The following ANO3 variants were observed in gnomAD, a reference collection of about 807,000 sequenced individuals.
ANO3 encodes the protein anoctamin-3.
A neutral mutation model predicts 144.8 loss-of-function variants in ANO3; 99 were observed. That is an observed-to-expected ratio of 0.68 (90% CI 0.58 to 0.81). ANO3 has a LOEUF of 0.81. Ranked by LOEUF, ANO3 falls within the 30% of genes least tolerant of loss-of-function variation. The pLI, the probability that ANO3 is intolerant of heterozygous loss-of-function variation, is 0.00. For missense variants in ANO3, 905 were observed against 1,202.2 expected, an observed-to-expected ratio of 0.75 and a Z score of 3.66; for synonymous variants, 414 against 392.6, an observed-to-expected ratio of 1.05 and a Z score of -0.64.
intron 6 of ANO3, among the ~76,000 whole-genome samples, chr11:26,517,215 C>T (rs1224543783): frequency 6.6e-6 from 1 of 151,934 alleles, no homozygotes; most frequent in Non-Finnish European, 1.5e-5. Flanking sequence ...AGTCTCACTC[C>T]TTATTTCATA....
At chr11:26,602,723 C>T (rs984320397) in intron 17 of ANO3, among the ~76,000 whole-genome samples, 1 of 147,224 alleles carries the variant, frequency 6.8e-6, no homozygotes, top group African/African-American at 2.5e-5. Context: ...TGTACTCCAG[C>T]CTGAATGACA....
chr11:26,446,004 G>T (rs1382928085), intron 3 of ANO3, among the ~76,000 whole-genome samples: 1 of 151,870 alleles, frequency 6.6e-6, no homozygotes, highest in Non-Finnish European at 1.5e-5. Flanking sequence ...GCTAATTTTT[G>T]TATTTTTAGT....
At chr11:26,313,145 A>G (rs1197067685) in intron 1 of ANO3, among the ~76,000 whole-genome samples, 1 of 152,186 alleles carries the variant, frequency 6.6e-6, no homozygotes, top group African/African-American at 2.4e-5. Flanking sequence ...TGCAAAATAT[A>G]TTTTGTACCT....
chr11:26,303,168 T>C (rs1401759915), intron 1 of ANO3, among the ~76,000 whole-genome samples: 2 of 152,202 alleles, frequency 1.3e-5, no homozygotes, highest in Non-Finnish European at 2.9e-5. Flanking sequence ...GAACCACCAT[T>C]TGACCCAGCT....
At chr11:26,309,555 C>T (rs1477591949), upstream of ANO3, 1 of 596,014 alleles carries the variant, frequency 1.7e-6, no homozygotes, top group Non-Finnish European at 2.1e-6. Context: ...ACATGAAAAG[C>T]TCTTCTTTTC....
chr11:26,537,457 A>G lies in ANO3; in HGVS notation c.1028A>G (p.His343Arg). 1 of 1,612,900 alleles carries G rather than the reference A, an allele frequency of 6.2e-7. No individual in the cohort carries two copies. The highest frequency in any genetic ancestry group is 8.5e-7 in the Non-Finnish European group (1 of 1,178,862). ...NGSYIAAFPP[H>R]EGAYKSSQPI... ...TCATACATAGCAGCGTTTCCACCAC[A>G]TGAGGTAATTTTGAAATACAGTTTC... The change falls in exon 10 of 27, where the codon CAT becomes CGT. Residue 343 changes from histidine to arginine, a missense_variant. His to Arg is a conservative substitution (Grantham distance 29). Transcript: ENST00000256737.
intron 1 of ANO3, among the ~76,000 whole-genome samples, chr11:26,387,002 A>T (rs1856751408): frequency 6.6e-6 from 1 of 151,982 alleles, no homozygotes; most frequent in African/African-American, 2.4e-5. Flanking sequence ...TTTAGAGGTG[A>T]TGGGGCACCA....
chr11:26,243,961 T>C (rs148551940), intron 1 of ANO3, among the ~76,000 whole-genome samples: 1 of 151,624 alleles, frequency 6.6e-6, no homozygotes, highest in African/African-American at 2.4e-5. Flanking sequence ...GTACTAAAAA[T>C]ACAAAAATTA....
At chr11:26,315,806 A>C (rs1204347255) in intron 1 of ANO3, among the ~76,000 whole-genome samples, 1 of 152,100 alleles carries the variant, frequency 6.6e-6, no homozygotes, top group Non-Finnish European at 1.5e-5. Flanking sequence ...TAGACCAAAT[A>C]AGACAACCCA....
chr11:26,561,520 C>T (rs1850291895), intron 14 of ANO3, among the ~76,000 whole-genome samples: 1 of 151,804 alleles, frequency 6.6e-6, no homozygotes, highest in Non-Finnish European at 1.5e-5. Flanking sequence ...AAGTGTAGAC[C>T]ATACCTCATT....
intron 1 of ANO3, among the ~76,000 whole-genome samples, chr11:26,373,458 G>A (rs762339202): frequency 3.3e-5 from 5 of 152,040 alleles, no homozygotes; most frequent in Non-Finnish European, 7.4e-5. Context: ...ATTTTCTGAT[G>A]CCTCCCCAGC....
chr11:26,585,887 T>A (rs1175598784), intron 14 of ANO3, among the ~76,000 whole-genome samples: 2 of 152,230 alleles, frequency 1.3e-5, no homozygotes, highest in East Asian at 3.9e-4. Flanking sequence ...TTCAGATTTT[T>A]ATTGACTGTT....
chr11:26,547,747 G>T (rs929168650), intron 12 of ANO3, among the ~76,000 whole-genome samples, 197 bp downstream of exon 12: 2 of 151,446 alleles, frequency 1.3e-5, no homozygotes, highest in Non-Finnish European at 2.9e-5. Context: ...ACTTTTATTT[G>T]CAAACTATCT....
intron 1 of ANO3, among the ~76,000 whole-genome samples, chr11:26,201,978 C>T (rs902749196): frequency 6.6e-6 from 1 of 151,092 alleles, no homozygotes; most frequent in Non-Finnish European, 1.5e-5. Flanking sequence ...TTTACATTTA[C>T]ACTTACGATA....
intron 24 of ANO3, among the ~76,000 whole-genome samples, chr11:26,654,581 T>C (rs1853626781): frequency 6.6e-6 from 1 of 152,170 alleles, no homozygotes; most frequent in African/African-American, 2.4e-5. Flanking sequence ...TGTTTCTTTA[T>C]GTTAATTCCA....
intron 8 of ANO3, among the ~76,000 whole-genome samples, chr11:26,531,810 G>C (rs1411117275): frequency 6.6e-6 from 1 of 151,994 alleles, no homozygotes; most frequent in Non-Finnish European, 1.5e-5. Context: ...AAAGAGATTT[G>C]TTTCATTACT....
At chr11:26,474,344 A>G (rs1462330482) in intron 4 of ANO3, among the ~76,000 whole-genome samples, 1 of 151,912 alleles carries the variant, frequency 6.6e-6, no homozygotes, top group East Asian at 1.9e-4. Flanking sequence ...TGTAAACCAA[A>G]TATCACCTCT....
chr11:26,410,401 G>A (rs1033756480), intron 1 of ANO3, among the ~76,000 whole-genome samples: 10 of 151,996 alleles, frequency 6.6e-5, no homozygotes, highest in Non-Finnish European at 1.0e-4. Flanking sequence ...TATACACTGA[G>A]TAGTTGAAAG....
Position 26,300,928 on chromosome 11 carries a change from A to ATAATGTATTT in ANO3, c.155-8717_155-8716insTAATGTATTT, listed in dbSNP as rs1280041863. Among the ~76,000 whole-genome samples the ATAATGTATTT allele has an allele frequency of 2.7e-4, 34 of 125,336 alleles. 1 individual carries two copies. Among genetic ancestry groups the ATAATGTATTT allele is most frequent in the African/African-American group, 8.6e-4 (23 of 26,612 alleles). 82.2% of individuals were successfully genotyped at this position (125,336 alleles called of 152,430 possible). A position where few individuals can be genotyped will look rare whatever the true frequency, so the allele number is the denominator to read the frequency against. On this transcript the variant is annotated intron_variant, in intron 1 of 27. Transcript: ENST00000672621. Reference sequence around the variant, plus strand: ...AAGTGCAGTGGTGCAATTTCCACTCACTGCCACCTCTGCCTCCTGGGCTCA... The same window carrying ATAATGTATTT: ...AAGTGCAGTGGTGCAATTTCCACTCATAATGTATTTCTGCCACCTCTGCCTCCTGGGCTCA...
Sources: gnomAD v4.1 joint callset for allele counts (sites outside exome capture counted in the v4.1 genomes callset) on GRCh38, gnomAD v4.1.1 for gene constraint, MANE v1.5 for transcripts, NCBI Gene and HGNC (gene_info 2026-07-23, HGNC 2026-07-21) for gene names.